GALNTL6: variants seen among roughly 807,000 people sequenced by gnomAD.
GALNTL6 encodes polypeptide N-acetylgalactosaminyltransferase-like 6.
GALNTL6 carries 46 observed loss-of-function variants against 73.7 expected under a neutral mutation model. The observed-to-expected ratio is 0.62, with a 90% CI of 0.49 to 0.80. The LOEUF is 0.80. Ranked by LOEUF, GALNTL6 falls within the 30% of genes least tolerant of loss-of-function variation. The pLI, the probability that GALNTL6 is intolerant of heterozygous loss-of-function variation, is 0.00. For synonymous variants in GALNTL6, 259 were observed against 263.7 expected, an observed-to-expected ratio of 0.98 and a Z score of 0.17; for missense variants, 604 against 755.0, an observed-to-expected ratio of 0.80 and a Z score of 2.34.
Position 172,015,617 on chromosome 4 carries a change from G to T in GALNTL6, c.138+200899G>T, listed in dbSNP as rs370780775. 7.2e-5 allele frequency among the ~76,000 whole-genome samples: 11 copies of T among 151,964 alleles called. No individual in the cohort carries two copies. In the South Asian group the frequency reaches 1.0e-3, roughly 14 times the overall value. On this transcript the variant is annotated intron_variant, in intron 2 of 12. Coordinates refer to ENST00000506823, the MANE Select transcript of GALNTL6 (RefSeq NM_001034845.3). The stretch of plus-strand genomic sequence containing the variant: ...TTGTTGCCTAAATACCTTATATTTT[G>T]TTATTGTTTTACAAGCCATGTGAGA...
At chr4:172,487,120 A>G (rs1388510919) in intron 5 of GALNTL6, among the ~76,000 whole-genome samples, 1 of 152,120 alleles carries the variant, frequency 6.6e-6, no homozygotes, top group Non-Finnish European at 1.5e-5. Flanking sequence ...GTTCAAGAGT[A>G]ATTCAAGTAT....
At chr4:172,701,698 G>A (rs1053069620) in intron 5 of GALNTL6, among the ~76,000 whole-genome samples, 7 of 152,076 alleles carry the variant, frequency 4.6e-5, no homozygotes, top group Non-Finnish European at 1.5e-5. Flanking sequence ...TTTCTCAGAA[G>A]TGGGGACAAG....
intron 10 of GALNTL6, among the ~76,000 whole-genome samples, chr4:172,972,660 G>A (rs1183553042): frequency 6.6e-6 from 1 of 152,132 alleles, no homozygotes; most frequent in Non-Finnish European, 1.5e-5. Context: ...GGCAGGAAAG[G>A]TAGACGGTGG....
chr4:172,198,873 G>GT (rs1250603837), intron 2 of GALNTL6, among the ~76,000 whole-genome samples: 2 of 151,994 alleles, frequency 1.3e-5, no homozygotes, highest in Non-Finnish European at 2.9e-5. Flanking sequence ...TTCCCAAAAT[G>GT]TATTTTTTTT....
chr4:172,513,823 G>A (rs1268563766), intron 5 of GALNTL6, among the ~76,000 whole-genome samples: 1 of 152,198 alleles, frequency 6.6e-6, no homozygotes, highest in African/African-American at 2.4e-5. Context: ...GGAGTGGAGT[G>A]AGGTGGACTC....
intron 2 of GALNTL6, among the ~76,000 whole-genome samples, chr4:171,981,746 A>G (rs1739902300): frequency 6.6e-6 from 1 of 152,210 alleles, no homozygotes; most frequent in East Asian, 1.9e-4. Context: ...CTTTCAGTAT[A>G]CTTTTTTTCT....
chr4:172,617,466 T>C (rs1487630459), intron 5 of GALNTL6, among the ~76,000 whole-genome samples: 1 of 151,524 alleles, frequency 6.6e-6, no homozygotes, highest in Non-Finnish European at 1.5e-5. Context: ...TTATTTATTT[T>C]ATGTGTTTTT....
At chr4:172,423,281 G>A (rs1045061285) in intron 5 of GALNTL6, among the ~76,000 whole-genome samples, 43 of 152,062 alleles carry the variant, frequency 2.8e-4, no homozygotes, top group African/African-American at 9.6e-4. Flanking sequence ...TCATTTCTCT[G>A]TGAAAAACCC....
Position 172,907,684 on chromosome 4 carries a change from G to A in GALNTL6, c.1042-23477G>A, listed in dbSNP as rs529316249. Among the ~76,000 whole-genome samples the A allele has an allele frequency of 5.3e-5, 8 of 152,208 alleles. No individual in the cohort carries two copies. In the South Asian group the frequency reaches 6.2e-4, roughly 12 times the overall value. On this transcript the variant is annotated intron_variant, in intron 8 of 12. Transcript: ENST00000506823. ...GAACATGTTTCTGTTCCGGTCCTCCGTCCACAAATGTAATGCCTTTCCCAT... is the reference window on the plus strand; with the variant it reads ...GAACATGTTTCTGTTCCGGTCCTCCATCCACAAATGTAATGCCTTTCCCAT...
intron 2 of GALNTL6, among the ~76,000 whole-genome samples, chr4:172,127,940 T>C (rs1407675505): frequency 6.6e-6 from 1 of 151,730 alleles, no homozygotes; most frequent in African/African-American, 2.4e-5. Context: ...CCGTCTCTAC[T>C]TAAAAAATAC....
intron 2 of GALNTL6, among the ~76,000 whole-genome samples, chr4:172,076,722 A>G (rs2110913356): frequency 6.6e-6 from 1 of 152,328 alleles, no homozygotes; most frequent in South Asian, 2.1e-4. Flanking sequence ...AAGCTCATAA[A>G]GATATTATAA....
chr4:172,300,849 G>C (rs1347712394), intron 3 of GALNTL6, among the ~76,000 whole-genome samples: 2 of 152,026 alleles, frequency 1.3e-5, no homozygotes, highest in Non-Finnish European at 2.9e-5. Context: ...ATGTGTCTTG[G>C]AGTTGCTCTT....
At chr4:172,957,586 A>G (rs1363982174) in intron 10 of GALNTL6, among the ~76,000 whole-genome samples, 3 of 152,226 alleles carry the variant, frequency 2.0e-5, no homozygotes, top group Non-Finnish European at 2.9e-5. Flanking sequence ...TGGCCTTTGC[A>G]GTGAATGACT....
chr4:172,454,938 G>GCCA (rs1434992203), intron 5 of GALNTL6, among the ~76,000 whole-genome samples: 3 of 152,202 alleles, frequency 2.0e-5, no homozygotes, highest in African/African-American at 7.2e-5. Flanking sequence ...GGCCAAATAG[G>GCCA]AACAGCTCCA....
In GALNTL6 at chr4:172,809,425, C is replaced by A; in HGVS notation, c.618C>A (p.Thr206=). ...TTTCCAAAGTGAGGATTGTTCGCACCAAGAAAAGAGAAGGACTCATCCGGA... is the reference window on the plus strand; with the variant it reads ...TTTCCAAAGTGAGGATTGTTCGCACAAAGAAAAGAGAAGGACTCATCCGGA... ...ARFSKVRIVR[T]KKREGLIRTR... is the part of the protein sequence containing the mutation. Residue 206 remains threonine (T), a synonymous_variant, in exon 6 of 13, where the codon ACC becomes ACA. Transcript: ENST00000506823. This position sits in a 1 kb window ranked among gnomAD's most constrained non-coding sequence, Gnocchi z 4.4. The A allele has an allele frequency of 6.2e-7, 1 of 1,613,788 alleles. No homozygotes were observed. Among genetic ancestry groups the A allele is most frequent in the Non-Finnish European group, 8.5e-7 (1 of 1,179,824 alleles).
chr4:172,727,381 A>C (rs901918989), intron 5 of GALNTL6, among the ~76,000 whole-genome samples: 1 of 152,246 alleles, frequency 6.6e-6, no homozygotes, highest in Non-Finnish European at 1.5e-5. Flanking sequence ...ACAAACTATA[A>C]ACGAATTCAG....
intron 5 of GALNTL6, among the ~76,000 whole-genome samples, chr4:172,688,852 T>C (rs1159223129): frequency 6.6e-6 from 1 of 152,212 alleles, no homozygotes; most frequent in East Asian, 1.9e-4. Context: ...CATTTCTTTT[T>C]ATATTTAACT....
chr4:171,978,870 T>A (rs60635348), intron 2 of GALNTL6, among the ~76,000 whole-genome samples: 12,447 of 152,228 alleles, frequency 0.082, 1,406 homozygotes, highest in African/African-American at 0.26. Flanking sequence ...AGATGATAGA[T>A]TTGATTTATA....
At chr4:171,996,351 A>G (rs1560877269) in intron 2 of GALNTL6, among the ~76,000 whole-genome samples, 1 of 152,074 alleles carries the variant, frequency 6.6e-6, no homozygotes, top group Non-Finnish European at 1.5e-5. Flanking sequence ...CTTGATCTAT[A>G]TTGCATTGTA....
Sources: allele counts gnomAD v4.1 joint callset (sites outside exome capture counted in the v4.1 genomes callset), GRCh38; gene constraint gnomAD v4.1.1; non-coding constraint Gnocchi (gnomAD v3.1); transcripts MANE v1.5; gene names NCBI Gene and HGNC (gene_info 2026-07-23, HGNC 2026-07-21).